Variants in NEUROD1 observed in about 807,000 individuals in gnomAD.
NEUROD1 encodes the protein neurogenic differentiation factor 1.
Under a neutral mutation model 21.8 loss-of-function variants are expected in NEUROD1, and 9 were observed. The observed-to-expected ratio is 0.41, with a 90% confidence interval of 0.25 to 0.72. The LOEUF (loss-of-function observed/expected upper bound fraction) is 0.72. Ranked by LOEUF, NEUROD1 falls within the 30% of genes least tolerant of loss-of-function variation. NEUROD1 has a pLI of 0.31. For synonymous variants in NEUROD1, 199 were observed against 186.2 expected (o/e 1.07, Z -0.56); for missense variants, 434 against 468.8 (o/e 0.93, Z 0.69).
rs781114004 is a variant in NEUROD1, at chr2:181,678,700, C to G, written c.161G>C (p.Arg54Thr). 1 of 1,611,944 alleles carries G rather than the reference C, an allele frequency of 6.2e-7. No homozygotes were observed. The highest frequency in any genetic ancestry group is 2.2e-5 in the East Asian group (1 of 44,852). Residue 54 changes from arginine to threonine, a missense_variant, in exon 2 of 2, where the codon AGG becomes ACG. Physicochemically the swap from Arg to Thr is moderately conservative, Grantham distance 71. Coordinates refer to ENST00000295108, the MANE Select transcript of NEUROD1 (RefSeq NM_002500.5). This position sits in a 1 kb window ranked among gnomAD's most constrained non-coding sequence, Gnocchi z 5.5. ...ETMNAEEDSL[R>T]NGGEEEDEDE... ...TTCGTCCTCCTCCTCTCCCCCGTTC[C>G]TCAGTGAGTCCTCCTCTGCGTTCAT... is the stretch of plus-strand genomic sequence containing the variant.
chr2:181,679,391 A>G (rs1361739569), intron 1 of NEUROD1, among the ~76,000 whole-genome samples: 1 of 152,184 alleles, frequency 6.6e-6, no homozygotes, highest in Non-Finnish European at 1.5e-5. Flanking sequence ...AGCGATTTTT[A>G]AGAAGATTAC....
downstream of NEUROD1, among the ~76,000 whole-genome samples, chr2:181,671,859 C>A (rs1688504223): frequency 6.6e-6 from 1 of 152,152 alleles, no homozygotes; most frequent in Non-Finnish European, 1.5e-5. Flanking sequence ...AAGGGATTAA[C>A]AGTTCTCTTA....
At chr2:181,671,080 ACG>A (rs1425974705) in exon 2 of NEUROD1, among the ~76,000 whole-genome samples, 6 of 150,656 alleles carry the variant, frequency 4.0e-5, no homozygotes, top group Non-Finnish European at 7.4e-5. Context: ...ATATATATAT[ACG>A]TTTTCCCTTG....
At chr2:181,674,440 G>T (rs1688537490), downstream of NEUROD1, among the ~76,000 whole-genome samples, 1 of 152,080 alleles carries the variant, frequency 6.6e-6, no homozygotes, top group Admixed American at 6.5e-5. Flanking sequence ...TACAAAAACT[G>T]TAAGAGTCTC....
In NEUROD1 at chr2:181,677,700, G is replaced by A. The variant is rs1429071843; in HGVS notation, c.*90C>T. ...CTTGGAGTATTTGCACTTTGCAGCAGTAGTACCCAAAGGGCTGCCTTTTGT... is the reference window on the plus strand; with the variant it reads ...CTTGGAGTATTTGCACTTTGCAGCAATAGTACCCAAAGGGCTGCCTTTTGT... On this transcript the variant is annotated 3_prime_UTR_variant, in exon 2 of 2. Coordinates refer to ENST00000295108, the MANE Select transcript of NEUROD1 (RefSeq NM_002500.5). 4 of 1,607,884 alleles carry A rather than the reference G, an allele frequency of 2.5e-6. No individual in the cohort carries two copies. In the African/African-American group the frequency reaches 4.0e-5, roughly 16 times the overall value.
chr2:181,676,000 A>C (rs1688562741), downstream of NEUROD1, among the ~76,000 whole-genome samples: 1 of 152,220 alleles, frequency 6.6e-6, no homozygotes, highest in Admixed American at 6.5e-5. Flanking sequence ...TTAGTTCAGA[A>C]AAATGTACAG....
Position 181,678,141 on chromosome 2 carries a change from G to T in NEUROD1, c.720C>A (p.Phe240Leu). The T allele has an allele frequency of 6.2e-7, 1 of 1,614,196 alleles. No individual in the cohort carries two copies. Among genetic ancestry groups the T allele is most frequent in the Non-Finnish European group, 8.5e-7 (1 of 1,180,034 alleles). ...AGGCGTGCGGCGGAGGCTTAACGTG[G>T]AAGACATGGGAGCTGTCCATGGTAC... ...PYGTMDSSHV[F>L]HVKPPPHAYS... Residue 240 changes from phenylalanine (F) to leucine (L), a missense_variant, in exon 2 of 2, where the codon TTC becomes TTA. Transcript: ENST00000295108. The surrounding 1 kb of genome is among the most constrained non-coding windows in gnomAD (Gnocchi z 5.5).
chr2:181,671,099 T>C lies in NEUROD1; in HGVS notation n.2847A>G, dbSNP rs572194538. Among the ~76,000 whole-genome samples the C allele has an allele frequency of 8.5e-4, 129 of 151,976 alleles. 1 individual carries two copies. The highest frequency in any genetic ancestry group is 3.0e-3 in the African/African-American group (123 of 41,472). ...ATATATACGTTTTCCCTTGACAATA[T>C]GTTTTAATATAAATGCACCAGTAGT... is the stretch of plus-strand genomic sequence containing the variant. On this transcript the variant is annotated non_coding_transcript_exon_variant, in exon 2 of 2. Transcript: ENST00000496876.
In NEUROD1 at chr2:181,678,264, C is replaced by T; in HGVS notation, c.597G>A (p.Gln199=). Residue 199 remains glutamine, a synonymous_variant, in exon 2 of 2, where the codon CAG becomes CAA. Coordinates refer to ENST00000295108, the MANE Select transcript of NEUROD1 (RefSeq NM_002500.5). This position sits in a 1 kb window ranked among gnomAD's most constrained non-coding sequence, Gnocchi z 5.5. ...QLNPRTFLPE[Q]NQDMPPHLPT... The stretch of plus-strand genomic sequence containing the variant: ...GCAGGTGGGGGGGCATGTCCTGGTT[C>T]TGCTCAGGCAGAAAAGTCCGAGGAT... 6.2e-7 allele frequency: 1 copy of T among 1,614,148 alleles called. No individual in the cohort carries two copies. Among genetic ancestry groups the T allele is most frequent in the Non-Finnish European group, 8.5e-7 (1 of 1,180,030 alleles).
At chr2:181,679,841 G>A (rs1688664929) in intron 1 of NEUROD1, among the ~76,000 whole-genome samples, 1 of 152,226 alleles carries the variant, frequency 6.6e-6, no homozygotes, top group Non-Finnish European at 1.5e-5. Context: ...TCTGGCTCCA[G>A]TAGTGGCTGC....
chr2:181,673,104 T>C (rs1688520321), downstream of NEUROD1: 1 of 152,210 alleles, frequency 6.6e-6, no homozygotes, highest in South Asian at 2.1e-4. Context: ...CCACATTTAA[T>C]GTATCTGAAG....
chr2:181,677,961 G>A lies in NEUROD1; in HGVS notation c.900C>T (p.Thr300=), dbSNP rs149047988. 176 of 1,614,190 alleles carry A rather than the reference G, an allele frequency of 1.1e-4. No individual in the cohort carries two copies. The highest frequency in any genetic ancestry group is 1.4e-4 in the Non-Finnish European group (164 of 1,180,026). The part of the protein sequence containing the change: ...SAEFEKNYAF[T]MHYPAATLAG... ...CCAGTGTCGCTGCAGGATAGTGCAT[G>A]GTAAAGGCATAATTTTTCTCAAACT... The change falls in exon 2 of 2, where the codon ACC becomes ACT. Residue 300 remains threonine, a synonymous_variant. Transcript: ENST00000295108.
At chr2:181,673,072 A>G (rs1472561212), downstream of NEUROD1, 1 of 152,224 alleles carries the variant, frequency 6.6e-6, no homozygotes, top group Non-Finnish European at 1.5e-5. Flanking sequence ...CAAATAACAT[A>G]ATAATGCTTA....
At chr2:181,675,567 G>A (rs1418929999), downstream of NEUROD1, among the ~76,000 whole-genome samples, 1 of 152,068 alleles carries the variant, frequency 6.6e-6, no homozygotes. Flanking sequence ...CCACAGTAGA[G>A]CCAGGGCACA....
exon 2 of NEUROD1, among the ~76,000 whole-genome samples, chr2:181,671,065 C>CAT (rs1688491620): frequency 7.7e-6 from 1 of 130,560 alleles, no homozygotes; most frequent in Non-Finnish European, 1.8e-5. Flanking sequence ...ACCATATATA[C>CAT]ACATATATAT....
chr2:181,678,615 C>T lies in NEUROD1; in HGVS notation c.246G>A (p.Lys82=). The T allele has an allele frequency of 1.2e-6, 2 of 1,614,166 alleles. No homozygotes were observed. Among genetic ancestry groups the T allele is most frequent in the Non-Finnish European group, 1.7e-6 (2 of 1,180,024 alleles). ...TCTTCTTCTTTTTGGGGCCGCGTCTCTTGGGCTTTTGATCGTCATCCTCCT... is the reference window on the plus strand; with the variant it reads ...TCTTCTTCTTTTTGGGGCCGCGTCTTTTGGGCTTTTGATCGTCATCCTCCT... ...EEEEDDDQKP[K]RRGPKKKKMT... Residue 82 remains lysine, a synonymous_variant, in exon 2 of 2, where the codon AAG becomes AAA. Coordinates refer to ENST00000295108, the MANE Select transcript of NEUROD1 (RefSeq NM_002500.5). This position sits in a 1 kb window ranked among gnomAD's most constrained non-coding sequence, Gnocchi z 5.5.
chr2:181,669,972 T>G (rs1688473513), downstream of NEUROD1, among the ~76,000 whole-genome samples: 2 of 152,132 alleles, frequency 1.3e-5, no homozygotes, highest in Non-Finnish European at 2.9e-5. Context: ...AACCCAAAAA[T>G]AGAGACAGAA....
In NEUROD1 at chr2:181,678,357, G is replaced by A. The variant is rs372600079; in HGVS notation, c.504C>T (p.Phe168=). ...RSGKSPDLVS[F]VQTLCKGLSQ... ...ATAAGCCCTTGCAAAGCGTCTGAAC[G>A]AAGGAGACCAGGTCTGGGCTTTTGC... The change falls in exon 2 of 2, where the codon TTC becomes TTT. Residue 168 remains phenylalanine (F), a synonymous_variant. Coordinates refer to ENST00000295108, the MANE Select transcript of NEUROD1 (RefSeq NM_002500.5). The surrounding 1 kb of genome is among the most constrained non-coding windows in gnomAD (Gnocchi z 5.5). 3 of 1,614,094 alleles carry A rather than the reference G, an allele frequency of 1.9e-6. No individual in the cohort carries two copies. Among genetic ancestry groups the A allele is most frequent in the African/African-American group, 2.7e-5 (2 of 74,946 alleles).
At chr2:181,670,978 G>A (rs1309925093) in exon 2 of NEUROD1, among the ~76,000 whole-genome samples, 2 of 151,580 alleles carry the variant, frequency 1.3e-5, no homozygotes, top group Admixed American at 1.3e-4. Flanking sequence ...TGGGAGAGAG[G>A]TGGGCAAGGG....
Sources: gnomAD v4.1 joint callset for allele counts (sites outside exome capture counted in the v4.1 genomes callset) on GRCh38, gnomAD v4.1.1 for gene constraint, Gnocchi (gnomAD v3.1) non-coding constraint, MANE v1.5 for transcripts, NCBI Gene and HGNC (gene_info 2026-07-23, HGNC 2026-07-21) for gene names.